The following NEGR1 variants were observed in gnomAD, a reference collection of about 807,000 sequenced individuals.
The protein encoded by NEGR1 is IgLON family member 4.
NEGR1 carries 10 observed loss-of-function variants against 40.9 expected under a neutral mutation model. The ratio of observed to expected loss-of-function variants is 0.24; its 90% confidence interval spans 0.15 to 0.42. NEGR1 has a LOEUF of 0.42. NEGR1 is among the 10% of genes least tolerant of loss of function. NEGR1 has a pLI of 1.00. For missense variants in NEGR1, 352 were observed against 438.9 expected, an observed-to-expected ratio of 0.80 and a Z score of 1.77; for synonymous variants, 185 against 166.8, an observed-to-expected ratio of 1.11 and a Z score of -0.84.
chr1:71,949,450 T>C (rs1049759253), intron 1 of NEGR1, among the ~76,000 whole-genome samples: 1 of 152,188 alleles, frequency 6.6e-6, no homozygotes, highest in Non-Finnish European at 1.5e-5. Context: ...TTGTGAAGTG[T>C]AGTAAGAAGT....
At chr1:71,964,069 C>G (rs1387462811) in intron 1 of NEGR1, among the ~76,000 whole-genome samples, 1 of 152,070 alleles carries the variant, frequency 6.6e-6, no homozygotes, top group Non-Finnish European at 1.5e-5. Flanking sequence ...ACAAAAGTGA[C>G]AGCTAAAAAA....
intron 6 of NEGR1, chr1:71,488,146 C>T (rs988673352): frequency 6.6e-6 from 1 of 151,842 alleles, no homozygotes; most frequent in Non-Finnish European, 1.5e-5. Context: ...GTGAATCTTA[C>T]AGGTATGGGT....
At chr1:71,647,962 G>C (rs1199900309) in intron 4 of NEGR1, among the ~76,000 whole-genome samples, 2 of 151,900 alleles carry the variant, frequency 1.3e-5, no homozygotes, top group South Asian at 2.1e-4. Context: ...AGCATAAACA[G>C]TAAGGAAAGA....
chr1:72,126,679 T>C (rs1650036436), intron 1 of NEGR1, among the ~76,000 whole-genome samples: 1 of 152,204 alleles, frequency 6.6e-6, no homozygotes, highest in African/African-American at 2.4e-5. Context: ...AAAGCTATCA[T>C]GTCAGCCTGT....
chr1:71,657,701 A>G (rs1651921338), intron 4 of NEGR1, among the ~76,000 whole-genome samples: 1 of 152,196 alleles, frequency 6.6e-6, no homozygotes, highest in African/African-American at 2.4e-5. Context: ...CATGAACTTT[A>G]CATATGCCAG....
intron 1 of NEGR1, among the ~76,000 whole-genome samples, chr1:72,006,009 C>T (rs551087146): frequency 1.4e-3 from 206 of 152,132 alleles, no homozygotes; most frequent in Middle Eastern, 6.8e-3. Flanking sequence ...TGAATTCCTA[C>T]GAAAAGGAGA....
In NEGR1 at chr1:72,042,514, G is replaced by C. The variant is rs564690658; in HGVS notation, c.177-107203C>G. 3.3e-5 allele frequency among the ~76,000 whole-genome samples: 5 copies of C among 152,040 alleles called. No homozygotes were observed. The East Asian group carries it at 9.7e-4, about 29-fold the overall frequency. On this transcript the variant is annotated intron_variant, in intron 1 of 6. Transcript: ENST00000357731. ...GTTTTGAACATCTGCCAAGCACAGA[G>C]AGCACCAATGTCAGATCACGATAGC...
intron 2 of NEGR1, among the ~76,000 whole-genome samples, chr1:71,851,774 T>C (rs1388094444): frequency 1.3e-5 from 2 of 152,156 alleles, no homozygotes; most frequent in Non-Finnish European, 2.9e-5. Flanking sequence ...TAAAAAAAAT[T>C]ATGTAGTATA....
At chr1:72,034,319 G>A (rs1233601258) in intron 1 of NEGR1, among the ~76,000 whole-genome samples, 1 of 152,170 alleles carries the variant, frequency 6.6e-6, no homozygotes, top group Admixed American at 6.6e-5. Context: ...CATTGTGCAT[G>A]CAGGTGTGAT....
chr1:71,728,319 T>A (rs1399310838), intron 3 of NEGR1, among the ~76,000 whole-genome samples: 5 of 152,042 alleles, frequency 3.3e-5, no homozygotes, highest in African/African-American at 7.2e-5. Flanking sequence ...AAATAACACA[T>A]TGGAGTCCAG....
chr1:72,067,698 G>A (rs1412565660), intron 1 of NEGR1, among the ~76,000 whole-genome samples: 1 of 151,956 alleles, frequency 6.6e-6, no homozygotes, highest in Non-Finnish European at 1.5e-5. Context: ...TGGATTTGAA[G>A]AGATTTAACA....
At chr1:71,651,526 C>T (rs755496267) in intron 4 of NEGR1, among the ~76,000 whole-genome samples, 18 of 152,192 alleles carry the variant, frequency 1.2e-4, no homozygotes, top group Non-Finnish European at 2.2e-4. Context: ...TTGCTCCTGT[C>T]CTTTGTTTTA....
chr1:72,110,221 T>C (rs1330377264), intron 1 of NEGR1, among the ~76,000 whole-genome samples: 1 of 106,988 alleles, frequency 9.3e-6, no homozygotes, highest in African/African-American at 3.3e-5. Context: ...TAGAGTATAA[T>C]AAAAAAAAAA....
At chr1:72,185,860 C>T (rs1226971805) in intron 1 of NEGR1, among the ~76,000 whole-genome samples, 1 of 151,664 alleles carries the variant, frequency 6.6e-6, no homozygotes, top group African/African-American at 2.4e-5. Context: ...TATATAAAAC[C>T]TTTGTATCAC....
intron 6 of NEGR1, among the ~76,000 whole-genome samples, chr1:71,491,174 C>T (rs762949313): frequency 3.3e-5 from 5 of 152,006 alleles, no homozygotes; most frequent in Admixed American, 6.6e-5. Context: ...ATTCCCTAAA[C>T]AATACAACAA....
Position 71,403,366 on chromosome 1 carries a change from AGTT to A in NEGR1, c.*4077_*4079del, listed in dbSNP as rs1455175033. 1.3e-5 allele frequency: 2 copies of A among 152,082 alleles called. No homozygotes were observed. Among genetic ancestry groups the A allele is most frequent in the East Asian group, 3.8e-4 (2 of 5,200 alleles). The allele number at this position is 152,082 out of a possible 1,614,324, so 9.4% of individuals were successfully genotyped here. On this transcript the variant is annotated 3_prime_UTR_variant, in exon 7 of 7. Coordinates refer to ENST00000357731, the MANE Select transcript of NEGR1 (RefSeq NM_173808.3). ...GGCTCTTACAAGCGTTTGAGTTTTC[AGTT>A]GTTTAGCCTGTAAGATCATCAGGAT...
chr1:71,523,919 A>G (rs1321379512), intron 6 of NEGR1, among the ~76,000 whole-genome samples: 7 of 151,868 alleles, frequency 4.6e-5, no homozygotes, highest in Admixed American at 2.0e-4. Context: ...GACTGACAGA[A>G]AAGCAAAAAT....
At chr1:71,593,935 C>T (rs1649595249) in intron 5 of NEGR1, among the ~76,000 whole-genome samples, 1 of 152,114 alleles carries the variant, frequency 6.6e-6, no homozygotes, top group Non-Finnish European at 1.5e-5. Flanking sequence ...TCCATATATA[C>T]AAGTCTTTTC....
chr1:72,012,530 T>C (rs1162710700), intron 1 of NEGR1, among the ~76,000 whole-genome samples: 1 of 152,100 alleles, frequency 6.6e-6, no homozygotes, highest in Non-Finnish European at 1.5e-5. Flanking sequence ...GGTTTGGGGC[T>C]TGGACATCAT....
Sources: allele counts gnomAD v4.1 joint callset (sites outside exome capture counted in the v4.1 genomes callset), GRCh38; gene constraint gnomAD v4.1.1; transcripts MANE v1.5; gene names NCBI Gene and HGNC (gene_info 2026-07-23, HGNC 2026-07-21).